The following TYW1B variants were observed in gnomAD, a reference collection of about 807,000 sequenced individuals.
TYW1B encodes tRNA-yW synthesizing protein 1 homolog B.
TYW1B carries 73 observed loss-of-function variants against 86.9 expected under a neutral mutation model. The observed-to-expected ratio is 0.84, with a 90% CI of 0.70 to 1.02. The LOEUF (loss-of-function observed/expected upper bound fraction) is 1.02, where lower values mean the gene tolerates loss of function less well. Ranked by LOEUF, TYW1B falls within the 50% of genes least tolerant of loss-of-function variation. The pLI, the probability that TYW1B is intolerant of heterozygous loss-of-function variation, is 0.00. For synonymous variants in TYW1B, 248 were observed against 292.8 expected, an observed-to-expected ratio of 0.85 and a Z score of 1.56; for missense variants, 637 against 827.4, an observed-to-expected ratio of 0.77 and a Z score of 2.82.
chr7:72,653,895 C>T (rs1431839754), intron 11 of TYW1B, among the ~76,000 whole-genome samples: 3 of 152,004 alleles, frequency 2.0e-5, no homozygotes, highest in African/African-American at 7.2e-5. Context: ...GCCCAACCAA[C>T]ATAGCTGAAC....
chr7:72,605,397 C>T (rs797041175), intron 13 of TYW1B, among the ~76,000 whole-genome samples: 10 of 151,520 alleles, frequency 6.6e-5, no homozygotes, highest in African/African-American at 9.7e-5. Flanking sequence ...TCTGTTGCCC[C>T]GGCTAGAGTG....
At chr7:72,811,165 G>A (rs1788608285) in intron 3 of TYW1B, among the ~76,000 whole-genome samples, 1 of 151,474 alleles carries the variant, frequency 6.6e-6, no homozygotes, top group Non-Finnish European at 1.5e-5. Context: ...CAGCTACTCA[G>A]GAGGCTAAGC....
At chr7:72,589,713 C>T (rs188292083) in intron 13 of TYW1B, among the ~76,000 whole-genome samples, 4 of 152,288 alleles carry the variant, frequency 2.6e-5, no homozygotes, top group African/African-American at 9.6e-5. Flanking sequence ...CCCATCTCTA[C>T]TAAAAATGCA....
chr7:72,775,441 T>C (rs1254439517), intron 7 of TYW1B, among the ~76,000 whole-genome samples: 4 of 152,148 alleles, frequency 2.6e-5, no homozygotes, highest in African/African-American at 9.7e-5. Flanking sequence ...AGGAGGATCC[T>C]ATTTAAAGGA....
At chr7:72,788,308 C>T (rs370551578) in intron 6 of TYW1B, among the ~76,000 whole-genome samples, 3 of 152,022 alleles carry the variant, frequency 2.0e-5, no homozygotes, top group East Asian at 1.9e-4. Flanking sequence ...CTCCTCTTCC[C>T]GGGCTTCAAA....
chr7:72,725,272 T>G (rs562730485), intron 9 of TYW1B, among the ~76,000 whole-genome samples: 1 of 152,252 alleles, frequency 6.6e-6, no homozygotes, highest in African/African-American at 2.4e-5. Context: ...AGGAAGGACA[T>G]CCCAGCAGAA....
chr7:72,703,831 G>T (rs1385624942), intron 10 of TYW1B, among the ~76,000 whole-genome samples: 1 of 151,146 alleles, frequency 6.6e-6, no homozygotes, highest in Non-Finnish European at 1.5e-5. Context: ...CTCCAGGCTG[G>T]GTGACAGGGT....
chr7:72,785,738 C>T (rs1425637884), intron 6 of TYW1B, among the ~76,000 whole-genome samples: 2 of 152,126 alleles, frequency 1.3e-5, no homozygotes, highest in Non-Finnish European at 2.9e-5. Context: ...TCGACAGTAA[C>T]AACTAAGGCA....
In TYW1B at chr7:72,745,851, G is replaced by GTGT. The variant is rs1787384617; in HGVS notation, c.965-1251_965-1250insACA. Among the ~76,000 whole-genome samples the GTGT allele has an allele frequency of 1.5e-4, 11 of 75,154 alleles. No homozygotes were observed. The South Asian group carries it at 1.6e-3, about 11-fold the overall frequency. The allele number at this position is 75,154 out of a possible 152,430, so 49.3% of individuals were successfully genotyped here. On this transcript the variant is annotated intron_variant, in intron 7 of 13. Transcript: ENST00000620995. ...TGAGTAGCCTTTACACGTGTATAGG[G>GTGT]GTGTGTGTGTGTGTGTGTGTGTGTG...
chr7:72,657,097 C>T (rs1236079241), intron 11 of TYW1B, among the ~76,000 whole-genome samples: 3 of 152,086 alleles, frequency 2.0e-5, no homozygotes, highest in African/African-American at 7.2e-5. Context: ...AAATAATGAT[C>T]TTGGGGAAAC....
chr7:72,689,228 C>T (rs1490821684), intron 11 of TYW1B, among the ~76,000 whole-genome samples: 7 of 152,080 alleles, frequency 4.6e-5, no homozygotes, highest in East Asian at 1.9e-4. Context: ...AACCATGAAA[C>T]GGAGACGAGC....
At chr7:72,687,245 G>C (rs564486386) in intron 11 of TYW1B, among the ~76,000 whole-genome samples, 1 of 152,266 alleles carries the variant, frequency 6.6e-6, no homozygotes, top group South Asian at 2.1e-4. Flanking sequence ...AGATCAGCCT[G>C]ACCAAACTGG....
At chr7:72,825,772 T>A (rs1563108010) in intron 2 of TYW1B, among the ~76,000 whole-genome samples, 1 of 152,202 alleles carries the variant, frequency 6.6e-6, no homozygotes, top group Non-Finnish European at 1.5e-5. Context: ...TATTCCCTAC[T>A]TCCATACCCA....
chr7:72,798,945 G>C (rs1431904972), intron 6 of TYW1B, among the ~76,000 whole-genome samples: 11 of 151,946 alleles, frequency 7.2e-5, no homozygotes, highest in African/African-American at 2.7e-4. Flanking sequence ...CATGTGTTTT[G>C]CCAACTTTTT....
In TYW1B at chr7:72,632,420, TATAA is replaced by T. The variant is rs1554440044; in HGVS notation, c.1507-3427_1507-3424del. On this transcript the variant is annotated intron_variant, in intron 11 of 13. Transcript: ENST00000620995. ...TATATAATATATATATACATATATA[TATAA>T]AATATATATATACGTATATATATAA... Among the ~76,000 whole-genome samples the T allele has an allele frequency of 1.2e-3, 138 of 113,016 alleles. 4 individuals are homozygous for T. The highest frequency in any genetic ancestry group is 4.7e-3 in the African/African-American group (117 of 24,788). The allele number at this position is 113,016 out of a possible 152,430, so 74.1% of individuals were successfully genotyped here.
chr7:72,672,473 A>AACGC (rs1554237385), intron 11 of TYW1B, among the ~76,000 whole-genome samples: 2 of 140,782 alleles, frequency 1.4e-5, no homozygotes, highest in Non-Finnish European at 3.1e-5. Flanking sequence ...TACACACACA[A>AACGC]ACACACACAC....
At chr7:72,732,042 A>G (rs1232629229) in intron 8 of TYW1B, among the ~76,000 whole-genome samples, 2 of 150,890 alleles carry the variant, frequency 1.3e-5, no homozygotes, top group Non-Finnish European at 2.9e-5. Flanking sequence ...ACACCAAGGA[A>G]AAGGTCATTG....
rs587645992 is a variant in TYW1B at position 72,770,427 on chromosome 7, C to CAA, written c.964+6987_964+6988dup. On this transcript the variant is annotated intron_variant, in intron 7 of 13. Transcript: ENST00000620995. ...CTGGCAACAGAGTGAGACTCCGTCTCAAAAAAAAAAAAAAAAAAAGAAAAA... is the reference window on the plus strand; with the variant it reads ...CTGGCAACAGAGTGAGACTCCGTCTCAAAAAAAAAAAAAAAAAAAAAGAAAAA... 6.6e-3 allele frequency among the ~76,000 whole-genome samples: 614 copies of CAA among 93,538 alleles called. 5 individuals are homozygous for CAA. Among genetic ancestry groups the CAA allele is most frequent in the African/African-American group, 0.01 (236 of 22,854 alleles). The allele number at this position is 93,538 out of a possible 152,430, so 61.4% of individuals were successfully genotyped here. A position where few individuals can be genotyped will look rare whatever the true frequency, so the allele number is the denominator to read the frequency against.
At chr7:72,721,679 C>T (rs1183126529) in intron 9 of TYW1B, among the ~76,000 whole-genome samples, 14 of 152,108 alleles carry the variant, frequency 9.2e-5, no homozygotes, top group Non-Finnish European at 1.5e-4. Context: ...TGCACACACA[C>T]GATCTGTTCT....
Sources: gnomAD v4.1 joint callset for allele counts (sites outside exome capture counted in the v4.1 genomes callset) on GRCh38, gnomAD v4.1.1 for gene constraint, MANE v1.5 for transcripts, NCBI Gene and HGNC (gene_info 2026-07-23, HGNC 2026-07-21) for gene names.